Variants in FUT9 observed in about 807,000 individuals in gnomAD.
FUT9 encodes 4-galactosyl-N-acetylglucosaminide 3-alpha-L-fucosyltransferase 9.
Under a neutral mutation model 29.7 loss-of-function variants are expected in FUT9, and 15 were observed. The observed-to-expected ratio is 0.51, with a 90% CI of 0.34 to 0.78. The LOEUF (loss-of-function observed/expected upper bound fraction) is 0.78. Among genes scored for constraint, FUT9 ranks in the 30% least tolerant of loss-of-function variants. The pLI, the probability that FUT9 is intolerant of heterozygous loss-of-function variation, is 0.01. For synonymous variants in FUT9, 169 were observed against 153.7 expected, an observed-to-expected ratio of 1.10 and a Z score of -0.74; for missense variants, 319 against 425.4, an observed-to-expected ratio of 0.75 and a Z score of 2.20.
intron 2 of FUT9, among the ~76,000 whole-genome samples, chr6:96,149,324 C>T (rs1184013535): frequency 1.6e-5 from 2 of 123,038 alleles, no homozygotes; most frequent in Non-Finnish European, 3.5e-5. Flanking sequence ...TGACATGTAA[C>T]CAAGTTTAAG....
chr6:96,042,640 A>G (rs975639626), intron 1 of FUT9, among the ~76,000 whole-genome samples: 3 of 152,220 alleles, frequency 2.0e-5, no homozygotes, highest in African/African-American at 7.2e-5. Context: ...TAGACTTGAA[A>G]GATGGATATT....
At chr6:96,162,350 T>A (rs1262337035) in intron 2 of FUT9, among the ~76,000 whole-genome samples, 2 of 152,216 alleles carry the variant, frequency 1.3e-5, no homozygotes, top group Non-Finnish European at 2.9e-5. Context: ...AATTAGCATA[T>A]CTATCACTTC....
chr6:96,122,654 G>T lies in FUT9; in HGVS notation c.-9+8527G>T, dbSNP rs185440638. On this transcript the variant is annotated intron_variant, in intron 2 of 2. Coordinates refer to ENST00000302103, the MANE Select transcript of FUT9 (RefSeq NM_006581.4). ...TTGCCTAACCCTTTTCTTATCTTGG[G>T]TATTGGATTGTACTTGAGTTTTCAT... Among the ~76,000 whole-genome samples, 305 of 152,038 alleles carry T rather than the reference G, an allele frequency of 2.0e-3. 1 individual carries two copies. The highest frequency in any genetic ancestry group is 3.4e-3 in the Middle Eastern group (1 of 294).
At chr6:96,175,468 C>T (rs9499388) in intron 2 of FUT9, among the ~76,000 whole-genome samples, 25,126 of 152,120 alleles carry the variant, frequency 0.17, 2,305 homozygotes, top group Admixed American at 0.25. Flanking sequence ...TTAATGGTCT[C>T]GATGCTAAAT....
chr6:96,074,784 GT>G (rs35989355), intron 1 of FUT9, among the ~76,000 whole-genome samples: 2 of 151,684 alleles, frequency 1.3e-5, no homozygotes, highest in Admixed American at 6.6e-5. Context: ...TTTAATTATT[GT>G]TTTTTTTAAG....
chr6:96,101,352 A>G (rs1223438167), intron 1 of FUT9, among the ~76,000 whole-genome samples: 1 of 152,068 alleles, frequency 6.6e-6, no homozygotes, highest in East Asian at 1.9e-4. Context: ...CAGCCTGGCC[A>G]ACATGATGAA....
intron 1 of FUT9, among the ~76,000 whole-genome samples, chr6:96,059,285 C>G (rs965500107): frequency 6.6e-5 from 10 of 152,094 alleles, no homozygotes; most frequent in Admixed American, 3.9e-4. Flanking sequence ...CTAAATATCC[C>G]AGTGGTTTCT....
chr6:96,161,154 C>T (rs1772893103), intron 2 of FUT9, among the ~76,000 whole-genome samples: 1 of 152,064 alleles, frequency 6.6e-6, no homozygotes. Flanking sequence ...TTTATATCTG[C>T]CCCAAATTTA....
intron 2 of FUT9, among the ~76,000 whole-genome samples, chr6:96,156,517 T>C (rs969100779): frequency 4.6e-5 from 7 of 152,162 alleles, no homozygotes; most frequent in African/African-American, 9.7e-5. Context: ...TATATATATA[T>C]AAGCTGATGG....
Position 96,195,458 on chromosome 6 carries a change from A to G in FUT9, c.-8-7690A>G, listed in dbSNP as rs578117847. On this transcript the variant is annotated intron_variant, in intron 2 of 2. Coordinates refer to ENST00000302103, the MANE Select transcript of FUT9 (RefSeq NM_006581.4). ...AAATTTTATAGCATTCCGGAGATCA[A>G]CCAGTGTCTTCGTGCCAAAAAGTAA... 9.4e-4 allele frequency among the ~76,000 whole-genome samples: 143 copies of G among 152,178 alleles called. 1 individual carries two copies. Among genetic ancestry groups the G allele is most frequent in the Non-Finnish European group, 1.9e-3 (127 of 68,036 alleles).
intron 2 of FUT9, among the ~76,000 whole-genome samples, chr6:96,133,769 T>G (rs1004136199): frequency 1.3e-5 from 2 of 151,986 alleles, no homozygotes; most frequent in African/African-American, 4.8e-5. Flanking sequence ...CATGTTTGTA[T>G]AGTATACTTT....
intron 2 of FUT9, among the ~76,000 whole-genome samples, chr6:96,180,610 C>T (rs919450294): frequency 2.0e-5 from 3 of 151,992 alleles, no homozygotes; most frequent in Non-Finnish European, 4.4e-5. Flanking sequence ...CAACCTTTGG[C>T]TATCCCCCTG....
At chr6:96,025,506 T>C (rs1770152611) in intron 1 of FUT9, among the ~76,000 whole-genome samples, 1 of 151,752 alleles carries the variant, frequency 6.6e-6, no homozygotes, top group Admixed American at 6.6e-5. Flanking sequence ...TGGATGAGTG[T>C]GTATATCCTT....
At chr6:96,026,825 T>C (rs1770177622) in intron 1 of FUT9, among the ~76,000 whole-genome samples, 1 of 151,646 alleles carries the variant, frequency 6.6e-6, no homozygotes, top group South Asian at 2.1e-4. Flanking sequence ...CATATTGGCC[T>C]TATATATTTA....
At chr6:96,130,164 A>G (rs913708363) in intron 2 of FUT9, among the ~76,000 whole-genome samples, 3 of 152,098 alleles carry the variant, frequency 2.0e-5, no homozygotes, top group Non-Finnish European at 4.4e-5. Context: ...TTACTTGACA[A>G]GTAAAAAGAA....
chr6:96,084,302 C>A (rs765431643), intron 1 of FUT9, among the ~76,000 whole-genome samples: 1 of 152,050 alleles, frequency 6.6e-6, no homozygotes, highest in Non-Finnish European at 1.5e-5. Context: ...CCTGGAAAGA[C>A]CATCTGGCAC....
chr6:96,176,108 TC>T (rs1400536190), intron 2 of FUT9, among the ~76,000 whole-genome samples: 1 of 152,146 alleles, frequency 6.6e-6, no homozygotes, highest in Non-Finnish European at 1.5e-5. Context: ...TTGCGCCCCT[TC>T]CCTCTCTACC....
chr6:96,177,716 G>T (rs1355093695), intron 2 of FUT9, among the ~76,000 whole-genome samples: 1 of 152,108 alleles, frequency 6.6e-6, no homozygotes, highest in East Asian at 1.9e-4. Flanking sequence ...CAGCCCCTGG[G>T]TAAGTCAGGC....
chr6:96,154,448 C>A (rs1772738236), intron 2 of FUT9, among the ~76,000 whole-genome samples: 1 of 152,046 alleles, frequency 6.6e-6, no homozygotes. Flanking sequence ...AATTATAAGG[C>A]ATAAAAGTAA....
Sources: allele counts gnomAD v4.1 joint callset (sites outside exome capture counted in the v4.1 genomes callset), GRCh38; gene constraint gnomAD v4.1.1; transcripts MANE v1.5; gene names NCBI Gene and HGNC (gene_info 2026-07-23, HGNC 2026-07-21).